LDB2: variants seen among roughly 807,000 people sequenced by gnomAD.
LDB2 encodes the protein LIM domain-binding protein 2.
LDB2 carries 12 observed loss-of-function variants against 44.3 expected under a neutral mutation model. That is an observed-to-expected ratio of 0.27 (90% confidence interval 0.17 to 0.44). The LOEUF (loss-of-function observed/expected upper bound fraction) is 0.44. Among genes scored for constraint, LDB2 ranks in the 20% least tolerant of loss-of-function variants. The pLI is 1.00. For synonymous variants in LDB2, 164 were observed against 174.8 expected (o/e 0.94, Z 0.49); for missense variants, 344 against 473.5 (o/e 0.73, Z 2.54).
intron 2 of LDB2, among the ~76,000 whole-genome samples, chr4:16,664,037 G>GA (rs1395833602): frequency 8.0e-5 from 8 of 100,440 alleles, no homozygotes; most frequent in Non-Finnish European, 1.4e-4. Flanking sequence ...AAAAGAGAGA[G>GA]AGAAAAAAAG....
intron 1 of LDB2, among the ~76,000 whole-genome samples, chr4:16,819,503 T>TCCCAAGAC (rs1561339390): frequency 6.7e-6 from 1 of 149,306 alleles, no homozygotes; most frequent in Admixed American, 6.7e-5. Flanking sequence ...CAGAAAATAT[T>TCCCAAGAC]CCCAAGACCC....
At chr4:16,561,752 G>A (rs139230370) in intron 5 of LDB2, among the ~76,000 whole-genome samples, 4 of 151,988 alleles carry the variant, frequency 2.6e-5, no homozygotes, top group East Asian at 1.9e-4. Flanking sequence ...AAAAGAGCCC[G>A]CATCGCCAAG....
intron 5 of LDB2, among the ~76,000 whole-genome samples, chr4:16,521,521 C>T (rs1726083913): frequency 6.6e-6 from 1 of 152,130 alleles, no homozygotes; most frequent in Non-Finnish European, 1.5e-5. Context: ...CAAATAAGGT[C>T]ACATTCTAAG....
intron 4 of LDB2, 84 bp downstream of exon 4, chr4:16,588,626 G>T: frequency 1.4e-6 from 2 of 1,397,058 alleles, no homozygotes; most frequent in South Asian, 1.3e-5. Context: ...TTCTTTCACA[G>T]AGAGAGGACT....
chr4:16,843,483 CA>C (rs1786293229), intron 1 of LDB2, among the ~76,000 whole-genome samples: 1 of 152,052 alleles, frequency 6.6e-6, no homozygotes, highest in African/African-American at 2.4e-5. Context: ...ATATTGAATG[CA>C]AGTGTATACA....
At chr4:16,518,479 G>GTGT (rs1487276870) in intron 5 of LDB2, among the ~76,000 whole-genome samples, 3 of 139,928 alleles carry the variant, frequency 2.1e-5, no homozygotes, top group East Asian at 2.2e-4. Context: ...ACCTTTGCTT[G>GTGT]TGTTGTTTTT....
At chr4:16,858,940 A>T (rs1711537845) in intron 1 of LDB2, among the ~76,000 whole-genome samples, 1 of 152,222 alleles carries the variant, frequency 6.6e-6, no homozygotes, top group Non-Finnish European at 1.5e-5. Context: ...CCATGCTTCA[A>T]ATTAAGACTT....
intron 2 of LDB2, among the ~76,000 whole-genome samples, chr4:16,635,730 T>G (rs1366843871): frequency 6.6e-6 from 1 of 152,206 alleles, no homozygotes; most frequent in Admixed American, 6.5e-5. Context: ...CACCATCACC[T>G]GACTCTTTTT....
intron 2 of LDB2, among the ~76,000 whole-genome samples, chr4:16,696,999 G>A (rs192142809): frequency 1.3e-5 from 2 of 152,110 alleles, no homozygotes; most frequent in Admixed American, 6.5e-5. Flanking sequence ...TTTGGGGAGG[G>A]GACAGAATAT....
At chr4:16,564,210 G>A (rs910563678) in intron 5 of LDB2, among the ~76,000 whole-genome samples, 2 of 152,060 alleles carry the variant, frequency 1.3e-5, no homozygotes, top group Non-Finnish European at 2.9e-5. Context: ...AAATAAACAG[G>A]CTGGGCGCTG....
rs1766356528 is a variant in LDB2, at chr4:16,755,485, G to A, written c.235+3673C>T. ...ATGTAGGAATAGGGTGTGTGTGTGT[G>A]TGTGTGTGTGTGTGTGTGTGTGTGT... On this transcript the variant is annotated intron_variant, in intron 2 of 7. Transcript: ENST00000304523. 7.0e-5 allele frequency among the ~76,000 whole-genome samples: 6 copies of A among 86,208 alleles called. No homozygotes were observed. In the South Asian group the frequency reaches 2.2e-3, roughly 32 times the overall value. The allele number at this position is 86,208 out of a possible 152,430, so 56.6% of individuals were successfully genotyped here. A position where few individuals can be genotyped will look rare whatever the true frequency, so the allele number is the denominator to read the frequency against.
intron 2 of LDB2, among the ~76,000 whole-genome samples, chr4:16,706,215 A>G (rs1754575223): frequency 6.6e-6 from 1 of 152,008 alleles, no homozygotes; most frequent in Non-Finnish European, 1.5e-5. Flanking sequence ...CACTACTTCC[A>G]CCCCCAAATT....
At chr4:16,757,421 A>T (rs1766898479) in intron 2 of LDB2, among the ~76,000 whole-genome samples, 1 of 152,148 alleles carries the variant, frequency 6.6e-6, no homozygotes, top group South Asian at 2.1e-4. Flanking sequence ...GTTCATGGAG[A>T]TAAGATCTTA....
chr4:16,596,025 G>T, intron 2 of LDB2, 150 bp from the exon 3 acceptor site: 1 of 730,544 alleles, frequency 1.4e-6, no homozygotes, highest in Non-Finnish European at 2.2e-6. Flanking sequence ...AAACAGCCAT[G>T]ACCCTTCTGG....
At chr4:16,751,293 C>G (rs2109108749) in intron 2 of LDB2, among the ~76,000 whole-genome samples, 2 of 152,324 alleles carry the variant, frequency 1.3e-5, no homozygotes, top group East Asian at 3.9e-4. Flanking sequence ...CATACCATAT[C>G]TGAAACGTTA....
At chr4:16,840,984 C>T (rs1785768872) in intron 1 of LDB2, among the ~76,000 whole-genome samples, 1 of 152,150 alleles carries the variant, frequency 6.6e-6, no homozygotes, top group African/African-American at 2.4e-5. Flanking sequence ...AGAGGATTTG[C>T]TTGGTTGCAG....
chr4:16,790,175 A>G (rs956368262), intron 1 of LDB2, among the ~76,000 whole-genome samples: 1 of 152,190 alleles, frequency 6.6e-6, no homozygotes, highest in Non-Finnish European at 1.5e-5. Context: ...GTCTTTCCTG[A>G]CAGCATTTAC....
intron 5 of LDB2, among the ~76,000 whole-genome samples, chr4:16,574,755 T>G (rs1747739629): frequency 6.6e-6 from 1 of 152,184 alleles, no homozygotes; most frequent in Admixed American, 6.5e-5. Flanking sequence ...TTATTATGCT[T>G]CTTCTGTTTG....
At chr4:16,889,107 A>G (rs1342444592) in intron 1 of LDB2, 2 of 152,018 alleles carry the variant, frequency 1.3e-5, no homozygotes, top group Non-Finnish European at 2.9e-5. Flanking sequence ...ACACACACAC[A>G]CACACATACA....
Sources: gnomAD v4.1 joint callset for allele counts (sites outside exome capture counted in the v4.1 genomes callset) on GRCh38, gnomAD v4.1.1 for gene constraint, MANE v1.5 for transcripts, NCBI Gene and HGNC (gene_info 2026-07-23, HGNC 2026-07-21) for gene names.